OXR1: variants seen among roughly 807,000 people sequenced by gnomAD.
OXR1 encodes oxidation resistance protein 1.
In OXR1, 41 loss-of-function variants were observed where a neutral mutation model predicts 104.6. That is an observed-to-expected ratio of 0.39 (90% CI 0.31 to 0.51). OXR1 has a LOEUF of 0.51. Among genes scored for constraint, OXR1 ranks in the 20% least tolerant of loss-of-function variants. OXR1 has a pLI of 0.77. For missense variants in OXR1, 955 were observed against 1,031.9 expected, an observed-to-expected ratio of 0.93 and a Z score of 1.02; for synonymous variants, 348 against 348.4, an observed-to-expected ratio of 1.00 and a Z score of 0.01.
At chr8:106,605,421 G>A (rs929050844) in intron 3 of OXR1, among the ~76,000 whole-genome samples, 1 of 151,998 alleles carries the variant, frequency 6.6e-6, no homozygotes, top group Non-Finnish European at 1.5e-5. Flanking sequence ...TGCTTTAATT[G>A]AGCCAACCAC....
chr8:106,711,440 A>G (rs1329685630), intron 10 of OXR1, among the ~76,000 whole-genome samples: 5 of 152,110 alleles, frequency 3.3e-5, no homozygotes, highest in African/African-American at 1.2e-4. Context: ...TATTTCCATA[A>G]TACCACCTCA....
chr8:106,692,320 A>G (rs1447527844), intron 6 of OXR1, among the ~76,000 whole-genome samples: 1 of 152,012 alleles, frequency 6.6e-6, no homozygotes, highest in Non-Finnish European at 1.5e-5. Flanking sequence ...TGCTCCCAGC[A>G]CCTGATGGAT....
At chr8:106,706,317 G>A in intron 8 of OXR1, 65 bp from the exon 9 acceptor site, 1 of 1,117,490 alleles carries the variant, frequency 8.9e-7, no homozygotes. Context: ...TCTGTGTTCA[G>A]TGTGTGAAAA....
intron 3 of OXR1, among the ~76,000 whole-genome samples, chr8:106,577,335 C>A (rs930832708): frequency 1.4e-5 from 2 of 147,642 alleles, no homozygotes; most frequent in Non-Finnish European, 3.0e-5. Context: ...CTCAGCCTCC[C>A]GAGTAGCTGG....
intron 7 of OXR1, among the ~76,000 whole-genome samples, chr8:106,700,383 G>T (rs1443843090): frequency 1.3e-5 from 2 of 152,068 alleles, no homozygotes; most frequent in Non-Finnish European, 2.9e-5. Context: ...GTTTCTCTTG[G>T]CAAACTCTTG....
chr8:106,384,434 T>A (rs542431525), intron 2 of OXR1, among the ~76,000 whole-genome samples: 55 of 152,306 alleles, frequency 3.6e-4, no homozygotes, highest in African/African-American at 1.3e-3. Context: ...CAGTTGCCGG[T>A]CCTTGACAGT....
chr8:106,692,711 T>G lies in OXR1; in HGVS notation c.526-17T>G. 7.1e-7 allele frequency: 1 copy of G among 1,408,958 alleles called. No homozygotes were observed. The highest frequency in any genetic ancestry group is 9.4e-7 in the Non-Finnish European group (1 of 1,062,032). 87.3% of individuals were successfully genotyped at this position (1,408,958 alleles called of 1,614,324 possible). A position where few individuals can be genotyped will look rare whatever the true frequency, so the allele number is the denominator to read the frequency against. On this transcript the variant is annotated splice_polypyrimidine_tract_variant and intron_variant, in intron 6 of 16. Transcript: ENST00000517566. Reference sequence around the variant, plus strand: ...TTTTCTGCTTTTTTTTTTCTTTCCTTTAAAAAAAAAAAAAAGAATCCTGAT... The same window carrying G: ...TTTTCTGCTTTTTTTTTTCTTTCCTGTAAAAAAAAAAAAAAGAATCCTGAT...
chr8:106,508,163 C>T (rs943311565), intron 2 of OXR1, among the ~76,000 whole-genome samples: 1 of 152,046 alleles, frequency 6.6e-6, no homozygotes, highest in Admixed American at 6.5e-5. Context: ...CATTAAAACC[C>T]CCAGTATAAA....
intron 2 of OXR1, among the ~76,000 whole-genome samples, chr8:106,487,904 G>A (rs1189401854): frequency 3.3e-5 from 5 of 151,838 alleles, no homozygotes; most frequent in Non-Finnish European, 7.4e-5. Flanking sequence ...TGTCTTTAGA[G>A]CAGCATGATT....
At chr8:106,733,825 CAA>C (rs35750112) in intron 11 of OXR1, among the ~76,000 whole-genome samples, 1,350 of 96,140 alleles carry the variant, frequency 0.014, 17 homozygotes, top group African/African-American at 0.045. Context: ...GACTCCGTCT[CAA>C]AAAAAAAAAA....
intron 15 of OXR1, 84 bp downstream of exon 15, chr8:106,742,401 C>T: frequency 1.4e-6 from 1 of 732,164 alleles, no homozygotes. Context: ...CAGTGCTATT[C>T]CCATTAAACT....
intron 12 of OXR1, among the ~76,000 whole-genome samples, chr8:106,738,642 A>G (rs1013477802): frequency 2.6e-5 from 4 of 151,166 alleles, no homozygotes; most frequent in Admixed American, 6.6e-5. Context: ...ATATTAAAAT[A>G]AAATTAATAT....
chr8:106,331,632 G>T (rs1487389469), intron 1 of OXR1, among the ~76,000 whole-genome samples: 2 of 152,026 alleles, frequency 1.3e-5, no homozygotes, highest in African/African-American at 2.4e-5. Flanking sequence ...GCATTACATA[G>T]AATATCTTTA....
intron 3 of OXR1, among the ~76,000 whole-genome samples, chr8:106,662,553 A>G (rs181837223): frequency 7.2e-4 from 110 of 152,306 alleles, no homozygotes; most frequent in Non-Finnish European, 1.3e-3. Context: ...GACAAAACAT[A>G]TAGTGCTTGC....
At chr8:106,648,791 G>A (rs1563667585) in intron 3 of OXR1, among the ~76,000 whole-genome samples, 2 of 152,124 alleles carry the variant, frequency 1.3e-5, no homozygotes, top group Non-Finnish European at 2.9e-5. Context: ...ACAACAAAAG[G>A]CTTTTTCAAC....
rs373200811 is a variant in OXR1 at position 106,615,458 on chromosome 8, G to A, written c.221-63752G>A. Among the ~76,000 whole-genome samples the A allele has an allele frequency of 1.6e-4, 24 of 151,642 alleles. No individual in the cohort carries two copies. The East Asian group carries it at 4.5e-3, about 28-fold the overall frequency. On this transcript the variant is annotated intron_variant, in intron 3 of 16. Coordinates refer to ENST00000517566, the MANE Select transcript of OXR1 (RefSeq NM_001198533.2). The stretch of plus-strand genomic sequence containing the variant: ...AAAAAAAAAAGAAAAAAAGATGGCC[G>A]GGATGGTGGCAAGCACTTAAAGCCC...
At chr8:106,504,526 A>G (rs780327055) in intron 2 of OXR1, among the ~76,000 whole-genome samples, 1 of 152,206 alleles carries the variant, frequency 6.6e-6, no homozygotes, top group Non-Finnish European at 1.5e-5. Flanking sequence ...CTGATAGCAA[A>G]TGGATTAAAG....
intron 1 of OXR1, among the ~76,000 whole-genome samples, chr8:106,285,072 CTCG>C (rs2130008538): frequency 6.6e-6 from 1 of 152,232 alleles, no homozygotes; most frequent in South Asian, 2.1e-4. Context: ...CACCCATTAA[CTCG>C]TCATTTACAT....
chr8:106,492,817 T>C (rs1811181824), intron 2 of OXR1, among the ~76,000 whole-genome samples: 1 of 152,206 alleles, frequency 6.6e-6, no homozygotes, highest in Non-Finnish European at 1.5e-5. Context: ...ATATTAATGC[T>C]TACCAAATTG....
Sources: gnomAD v4.1 joint callset for allele counts (sites outside exome capture counted in the v4.1 genomes callset) on GRCh38, gnomAD v4.1.1 for gene constraint, MANE v1.5 for transcripts, NCBI Gene and HGNC (gene_info 2026-07-23, HGNC 2026-07-21) for gene names.